LRCH1: variants seen among roughly 807,000 people sequenced by gnomAD.
LRCH1 encodes the protein leucine-rich repeat and calponin homology domain-containing protein 1.
A neutral mutation model predicts 94.9 loss-of-function variants in LRCH1; 23 were observed. The observed-to-expected ratio is 0.24, with a 90% CI of 0.17 to 0.34. The LOEUF (loss-of-function observed/expected upper bound fraction) is 0.34, where lower values mean the gene tolerates loss of function less well. LRCH1 is among the 10% of genes least tolerant of loss of function. The pLI is 1.00. For synonymous variants in LRCH1, 364 were observed against 354.9 expected (o/e 1.03, Z -0.29); for missense variants, 790 against 945.9 (o/e 0.84, Z 2.16).
intron 1 of LRCH1, among the ~76,000 whole-genome samples, chr13:46,581,171 G>C (rs1401302253): frequency 6.6e-6 from 1 of 152,174 alleles, no homozygotes; most frequent in Non-Finnish European, 1.5e-5. Context: ...TTGCAGGTGT[G>C]GTTTTCCTTT....
intron 1 of LRCH1, among the ~76,000 whole-genome samples, chr13:46,588,705 ATT>A (rs2050463597): frequency 1.4e-5 from 2 of 146,274 alleles, no homozygotes; most frequent in African/African-American, 5.1e-5. Context: ...GGTTCAAGTG[ATT>A]CTCCTGCCTT....
chr13:46,654,547 G>A (rs879618082), intron 2 of LRCH1, among the ~76,000 whole-genome samples: 3 of 152,114 alleles, frequency 2.0e-5, no homozygotes, highest in Non-Finnish European at 4.4e-5. Flanking sequence ...TTTTTCTTCA[G>A]TAGTTATAAA....
At chr13:46,571,966 G>A (rs749111751) in intron 1 of LRCH1, among the ~76,000 whole-genome samples, 1 of 152,106 alleles carries the variant, frequency 6.6e-6, no homozygotes, top group Admixed American at 6.5e-5. Flanking sequence ...GAACGGCGAT[G>A]CCCACAGAGG....
intron 19 of LRCH1, among the ~76,000 whole-genome samples, chr13:46,741,034 G>C (rs528240885): frequency 6.6e-6 from 1 of 152,098 alleles, no homozygotes; most frequent in Non-Finnish European, 1.5e-5. Flanking sequence ...TTTGGTTAAT[G>C]TGTTGTTGCA....
At chr13:46,727,930 T>C (rs1593380336) in intron 17 of LRCH1, among the ~76,000 whole-genome samples, 1 of 152,076 alleles carries the variant, frequency 6.6e-6, no homozygotes. Flanking sequence ...TCTTTTTTTT[T>C]TTTTGAGATG....
At chr13:46,658,399 T>C (rs540929433) in intron 2 of LRCH1, among the ~76,000 whole-genome samples, 53 of 152,388 alleles carry the variant, frequency 3.5e-4, no homozygotes, top group African/African-American at 1.1e-3. Flanking sequence ...AAAGTTTTGC[T>C]ATGCAGTGGT....
At chr13:46,602,424 G>A (rs1370827310) in intron 1 of LRCH1, among the ~76,000 whole-genome samples, 1 of 152,132 alleles carries the variant, frequency 6.6e-6, no homozygotes, top group Non-Finnish European at 1.5e-5. Flanking sequence ...GGGTCAGTCT[G>A]CAGTGGATCT....
At chr13:46,596,937 T>C (rs2050570776) in intron 1 of LRCH1, among the ~76,000 whole-genome samples, 3 of 152,232 alleles carry the variant, frequency 2.0e-5, no homozygotes, top group Admixed American at 2.0e-4. Context: ...AGTGACCTTT[T>C]AAAAGTTTCC....
At chr13:46,576,425 C>T (rs2050305442) in intron 1 of LRCH1, among the ~76,000 whole-genome samples, 1 of 152,180 alleles carries the variant, frequency 6.6e-6, no homozygotes, top group Admixed American at 6.5e-5. Flanking sequence ...GTGAAGTTGT[C>T]AGTTGCTGCT....
At chr13:46,633,943 G>A (rs1288490735) in intron 1 of LRCH1, among the ~76,000 whole-genome samples, 1 of 147,280 alleles carries the variant, frequency 6.8e-6, no homozygotes, top group Admixed American at 6.9e-5. Flanking sequence ...TCAGTGGCAC[G>A]ATCTCAGTTC....
At chr13:46,738,409 C>T (rs1409670796) in intron 19 of LRCH1, among the ~76,000 whole-genome samples, 4 of 152,164 alleles carry the variant, frequency 2.6e-5, no homozygotes, top group Admixed American at 1.3e-4. Context: ...TTTTCATATT[C>T]GCATTTTTTG....
At position 46,741,996 on chromosome 13, in the gene LRCH1, G is replaced by C. The variant is rs1873685605; in HGVS notation, c.*148G>C. On this transcript the variant is annotated 3_prime_UTR_variant, in exon 20 of 20. Transcript: ENST00000389797. Reference sequence around the variant, plus strand: ...TTTGAAGCTGAACAGTAGCAAATCAGATTTTCCAGAAGCACAAACTTTGTA... The same window carrying C: ...TTTGAAGCTGAACAGTAGCAAATCACATTTTCCAGAAGCACAAACTTTGTA... 1.3e-6 allele frequency: 2 copies of C among 1,496,078 alleles called. No homozygotes were observed. Among genetic ancestry groups the C allele is most frequent in the Admixed American group, 2.4e-5 (1 of 41,110 alleles). The allele number at this position is 1,496,078 out of a possible 1,614,324, so 92.7% of individuals were successfully genotyped here. A position where few individuals can be genotyped will look rare whatever the true frequency, so the allele number is the denominator to read the frequency against.
At chr13:46,573,762 G>A (rs2050266594) in intron 1 of LRCH1, among the ~76,000 whole-genome samples, 1 of 149,134 alleles carries the variant, frequency 6.7e-6, no homozygotes, top group South Asian at 2.2e-4. Context: ...GAAGGAGGTG[G>A]GGATGGTTAA....
At chr13:46,593,380 C>T (rs1357467624) in intron 1 of LRCH1, among the ~76,000 whole-genome samples, 1 of 139,816 alleles carries the variant, frequency 7.2e-6, no homozygotes, top group Non-Finnish European at 1.5e-5. Context: ...ACATGCCATT[C>T]TTCAAACATT....
intron 1 of LRCH1, among the ~76,000 whole-genome samples, chr13:46,562,479 AT>A (rs1226665636): frequency 1.3e-5 from 2 of 151,982 alleles, no homozygotes; most frequent in East Asian, 1.9e-4. Flanking sequence ...CTGAGCCCAA[AT>A]TTCCTCTTCT....
intron 1 of LRCH1, 35 bp from the exon 2 acceptor site, chr13:46,650,165 AT>A (rs1253137392): frequency 3.9e-6 from 6 of 1,523,892 alleles, no homozygotes; most frequent in East Asian, 4.5e-5. Context: ...TTTTGTTCAA[AT>A]TTTGTTGAGA....
intron 1 of LRCH1, among the ~76,000 whole-genome samples, chr13:46,636,741 C>A (rs2051095854): frequency 6.6e-6 from 1 of 152,186 alleles, no homozygotes; most frequent in South Asian, 2.1e-4. Flanking sequence ...GGAGCACTCC[C>A]TCCTCTTTGA....
exon 19 of LRCH1, chr13:46,751,306 A>G (rs1316404746): frequency 6.6e-6 from 1 of 152,070 alleles, no homozygotes; most frequent in East Asian, 1.9e-4. Flanking sequence ...TGTTTCTGGT[A>G]TATATGATTC....
chr13:46,616,068 C>T (rs80165674), intron 1 of LRCH1, among the ~76,000 whole-genome samples: 4 of 152,242 alleles, frequency 2.6e-5, no homozygotes, highest in South Asian at 2.1e-4. Context: ...CTTAGAATTA[C>T]GATGCAGTAA....
Sources: gnomAD v4.1 joint callset for allele counts (sites outside exome capture counted in the v4.1 genomes callset) on GRCh38, gnomAD v4.1.1 for gene constraint, MANE v1.5 for transcripts, NCBI Gene and HGNC (gene_info 2026-07-23, HGNC 2026-07-21) for gene names.